Variants in DOCK10 observed in about 807,000 individuals in gnomAD.
The protein encoded by DOCK10 is dedicator of cytokinesis protein 10.
Under a neutral mutation model 280.1 loss-of-function variants are expected in DOCK10, and 145 were observed. That is an observed-to-expected ratio of 0.52 (90% CI 0.45 to 0.59). The LOEUF is 0.59. Among genes scored for constraint, DOCK10 ranks in the 20% least tolerant of loss-of-function variants. The pLI, the probability that DOCK10 is intolerant of heterozygous loss-of-function variation, is 0.00. For synonymous variants in DOCK10, 915 were observed against 942.2 expected, an observed-to-expected ratio of 0.97 and a Z score of 0.53; for missense variants, 2,368 against 2,651.7, an observed-to-expected ratio of 0.89 and a Z score of 2.35.
At chr2:224,916,580 A>T (rs1701336066) in intron 3 of DOCK10, 115 bp downstream of exon 3, 1 of 667,360 alleles carries the variant, frequency 1.5e-6, no homozygotes, top group Non-Finnish European at 2.5e-6. Flanking sequence ...ACTAGTTAGA[A>T]TATTTGGAAT....
intron 1 of DOCK10, among the ~76,000 whole-genome samples, chr2:225,029,203 G>C (rs1312123251): frequency 6.6e-6 from 1 of 151,934 alleles, no homozygotes; most frequent in Non-Finnish European, 1.5e-5. Context: ...ATGGAATCTT[G>C]CCCTGTTGCC....
chr2:225,024,283 C>G (rs1332262856), intron 1 of DOCK10, among the ~76,000 whole-genome samples: 1 of 152,126 alleles, frequency 6.6e-6, no homozygotes, highest in Non-Finnish European at 1.5e-5. Flanking sequence ...ATTACATAAT[C>G]TTATCAATAC....
At position 225,042,097 on chromosome 2, in the gene DOCK10, G is replaced by A. The variant is rs907251538; in HGVS notation, c.123+155C>T. Among the ~76,000 whole-genome samples, 41 of 152,288 alleles carry A rather than the reference G, an allele frequency of 2.7e-4. No homozygotes were observed. The highest frequency in any genetic ancestry group is 9.1e-4 in the African/African-American group (38 of 41,586). Reference sequence around the variant, plus strand: ...GGCGCTGCCTCGCTGAGGTGGCGCCGGGGGAGCCCGCAGAGGCGGCGGGGG... The same window carrying A: ...GGCGCTGCCTCGCTGAGGTGGCGCCAGGGGAGCCCGCAGAGGCGGCGGGGG... On this transcript the variant is annotated intron_variant, in intron 1 of 55. Transcript: ENST00000258390. This position sits in a 1 kb window ranked among gnomAD's most constrained non-coding sequence, Gnocchi z 5.1.
intron 1 of DOCK10, among the ~76,000 whole-genome samples, chr2:225,020,293 T>G (rs1346629014): frequency 1.3e-5 from 2 of 152,174 alleles, no homozygotes; most frequent in Non-Finnish European, 2.9e-5. Flanking sequence ...ATACACATAT[T>G]AATGTTCATC....
intron 18 of DOCK10, 27 bp from the exon 19 acceptor site, chr2:224,849,626 A>T (rs775459839): frequency 1.4e-6 from 2 of 1,469,242 alleles, no homozygotes; most frequent in African/African-American, 2.8e-5. Flanking sequence ...GAGTTGAACA[A>T]TTATGAGTGT....
intron 16 of DOCK10, among the ~76,000 whole-genome samples, chr2:224,853,324 A>G (rs929963865): frequency 6.6e-6 from 1 of 152,224 alleles, no homozygotes; most frequent in Non-Finnish European, 1.5e-5. Context: ...ATTAAAACTG[A>G]TGTCTCAGAA....
At chr2:224,956,491 G>T (rs900451645) in intron 1 of DOCK10, among the ~76,000 whole-genome samples, 69 of 152,040 alleles carry the variant, frequency 4.5e-4, no homozygotes, top group African/African-American at 1.6e-3. Flanking sequence ...GGGCATGGTG[G>T]CATGCACCTG....
At chr2:224,886,895 C>CCCCCCCA (rs1559661980) in intron 4 of DOCK10, among the ~76,000 whole-genome samples, 1 of 151,206 alleles carries the variant, frequency 6.6e-6, no homozygotes. Flanking sequence ...AACACCCCCC[C>CCCCCCCA]AAGTAGTACC....
intron 25 of DOCK10, among the ~76,000 whole-genome samples, chr2:224,835,921 T>A (rs920743532): frequency 1.3e-5 from 2 of 150,210 alleles, no homozygotes; most frequent in African/African-American, 4.8e-5. Flanking sequence ...GTATTTCAGA[T>A]ACCCTGGTTA....
intron 2 of DOCK10, among the ~76,000 whole-genome samples, chr2:224,921,485 T>C (rs1320304320): frequency 2.0e-5 from 3 of 151,552 alleles, no homozygotes; most frequent in Non-Finnish European, 2.9e-5. Flanking sequence ...CATAAGGTAA[T>C]GTTCACATCC....
rs1457997873 is a variant in DOCK10, at chr2:225,018,591, ATAT to A, written c.123+23658_123+23660del. Among the ~76,000 whole-genome samples, 7 of 29,252 alleles carry A rather than the reference ATAT, an allele frequency of 2.4e-4. 2 individuals are homozygous for A. The highest frequency in any genetic ancestry group is 2.6e-3 in the South Asian group (2 of 764). The allele number at this position is 29,252 out of a possible 152,430, so 19.2% of individuals were successfully genotyped here. On this transcript the variant is annotated intron_variant, in intron 1 of 55. Transcript: ENST00000258390. ...ATTATATATATATAATATATATGTA[ATAT>A]TATATATATATAATATATATGTAAT...
At position 224,812,398 on chromosome 2, in the gene DOCK10, A is replaced by G. The variant is rs1002297395; in HGVS notation, c.3409+1922T>C. On this transcript the variant is annotated intron_variant, in intron 31 of 55. Transcript: ENST00000258390. Reference sequence around the variant, plus strand: ...GAGGAGATTTTGGGCTGAGACAATGAGGTTTTCTAGATACACAATCATGTC... The same window carrying G: ...GAGGAGATTTTGGGCTGAGACAATGGGGTTTTCTAGATACACAATCATGTC... Among the ~76,000 whole-genome samples, 81 of 152,160 alleles carry G rather than the reference A, an allele frequency of 5.3e-4. 1 individual carries two copies. The highest frequency in any genetic ancestry group is 1.9e-3 in the African/African-American group (79 of 41,434).
intron 1 of DOCK10, among the ~76,000 whole-genome samples, chr2:224,932,437 C>T (rs377466595): frequency 7.9e-5 from 12 of 152,026 alleles, no homozygotes; most frequent in African/African-American, 2.9e-4. Flanking sequence ...TCCAATTGTA[C>T]AGAACTCATA....
At chr2:225,010,762 T>G (rs1439022312) in intron 1 of DOCK10, among the ~76,000 whole-genome samples, 1 of 152,194 alleles carries the variant, frequency 6.6e-6, no homozygotes, top group Non-Finnish European at 1.5e-5. Flanking sequence ...AAATTTTTTT[T>G]CAAAGACAGA....
chr2:224,834,223 T>G lies in DOCK10; in HGVS notation c.2891A>C (p.His964Pro). The G allele has an allele frequency of 6.2e-7, 1 of 1,613,526 alleles. No individual in the cohort carries two copies. Among genetic ancestry groups the G allele is most frequent in the Non-Finnish European group, 8.5e-7 (1 of 1,179,464 alleles). The change falls in exon 26 of 56, where the codon CAT (histidine) becomes CCT (proline). Residue 964 changes from histidine to proline, a missense_variant. By Grantham distance (77) the His-to-Pro change is moderately conservative. Transcript: ENST00000258390. Reference sequence around the variant, plus strand: ...AGTCACATTTTTAGCCAGTTCCTCATGTACAGTCCTCTCCTTGCATGCCCT... The same window carrying G: ...AGTCACATTTTTAGCCAGTTCCTCAGGTACAGTCCTCTCCTTGCATGCCCT... Reference protein sequence around the residue: ...KTRACKERTVHEELAKNVTGL... With the variant: ...KTRACKERTVPEELAKNVTGL...
At chr2:224,941,165 C>A (rs903048392) in intron 1 of DOCK10, among the ~76,000 whole-genome samples, 1 of 151,396 alleles carries the variant, frequency 6.6e-6, no homozygotes, top group East Asian at 1.9e-4. Context: ...CACTGAATAC[C>A]AACATCAACC....
intron 1 of DOCK10, among the ~76,000 whole-genome samples, chr2:224,950,271 T>C (rs76611826): frequency 0.012 from 1,896 of 152,310 alleles, 37 homozygotes; most frequent in African/African-American, 0.043. Flanking sequence ...TATAAAGATC[T>C]AGCAATTAAA....
chr2:224,982,223 C>G, intron 1 of DOCK10: 1 of 1,231,842 alleles, frequency 8.1e-7, no homozygotes, highest in Admixed American at 4.2e-5. Flanking sequence ...GATGAGGGTT[C>G]TGGGTCTATT....
At chr2:224,895,841 G>GTATATATA (rs71410338) in intron 4 of DOCK10, among the ~76,000 whole-genome samples, 120 of 136,166 alleles carry the variant, frequency 8.8e-4, no homozygotes, top group African/African-American at 3.2e-3. Context: ...GCGTGTGTGT[G>GTATATATA]TATATATATA....
Sources: allele counts gnomAD v4.1 joint callset (sites outside exome capture counted in the v4.1 genomes callset), GRCh38; gene constraint gnomAD v4.1.1; non-coding constraint Gnocchi (gnomAD v3.1); transcripts MANE v1.5; gene names NCBI Gene and HGNC (gene_info 2026-07-23, HGNC 2026-07-21).